BRINP3: variants seen among roughly 807,000 people sequenced by gnomAD.
BRINP3 encodes BMP/retinoic acid-inducible neural-specific protein 3.
A neutral mutation model predicts 71.0 loss-of-function variants in BRINP3; 19 were observed. The ratio of observed to expected loss-of-function variants is 0.27; its 90% CI spans 0.19 to 0.39. The LOEUF (loss-of-function observed/expected upper bound fraction) is 0.39, where lower values mean the gene tolerates loss of function less well. BRINP3 is among the 10% of genes least tolerant of loss of function. The probability of loss-of-function intolerance (pLI) is 1.00; values close to 1 mark genes in which losing one functional copy is unlikely to be tolerated. For synonymous variants in BRINP3, 380 were observed against 337.7 expected, an observed-to-expected ratio of 1.13 and a Z score of -1.37; for missense variants, 959 against 940.8, an observed-to-expected ratio of 1.02 and a Z score of -0.25.
chr1:190,455,451 A>ATGTATATGTG (rs1037672107), intron 1 of BRINP3, among the ~76,000 whole-genome samples: 1 of 152,122 alleles, frequency 6.6e-6, no homozygotes, highest in East Asian at 1.9e-4. Flanking sequence ...AAATATATGT[A>ATGTATATGTG]TGTATATGTG....
chr1:190,365,380 T>C (rs1669416304), intron 2 of BRINP3, among the ~76,000 whole-genome samples: 1 of 151,784 alleles, frequency 6.6e-6, no homozygotes, highest in Non-Finnish European at 1.5e-5. Context: ...TTTAATCTGC[T>C]GGGTGCTAAA....
At chr1:190,336,751 T>C (rs1011513617) in intron 2 of BRINP3, among the ~76,000 whole-genome samples, 1 of 151,876 alleles carries the variant, frequency 6.6e-6, no homozygotes, top group Non-Finnish European at 1.5e-5. Context: ...TTCCACTAAA[T>C]TGAATAATAA....
chr1:190,140,536 A>T (rs1351668573), intron 7 of BRINP3, among the ~76,000 whole-genome samples: 1 of 152,206 alleles, frequency 6.6e-6, no homozygotes, highest in Non-Finnish European at 1.5e-5. Context: ...CAAGCATAAA[A>T]GTAAACTTTT....
intron 2 of BRINP3, among the ~76,000 whole-genome samples, chr1:190,383,042 A>G (rs1049717508): frequency 3.4e-4 from 51 of 152,176 alleles, no homozygotes; most frequent in African/African-American, 1.2e-3. Context: ...TGGAACTGGT[A>G]TATGAAAGGA....
At chr1:190,409,980 TTCTC>T (rs1419362127) in intron 2 of BRINP3, among the ~76,000 whole-genome samples, 1 of 152,076 alleles carries the variant, frequency 6.6e-6, no homozygotes, top group East Asian at 1.9e-4. Flanking sequence ...AAGAATTGGT[TTCTC>T]TCTCTTTTTT....
chr1:190,339,654 T>A (rs780759884), intron 2 of BRINP3, among the ~76,000 whole-genome samples: 2 of 151,962 alleles, frequency 1.3e-5, no homozygotes, highest in Non-Finnish European at 2.9e-5. Context: ...GCTCCTCTAG[T>A]ATTGCCCACC....
chr1:190,199,771 G>GAAAAAAAAAAAAAAAAAAAAAAAAAA (rs35752025), intron 6 of BRINP3, among the ~76,000 whole-genome samples: 2 of 123,528 alleles, frequency 1.6e-5, no homozygotes, highest in Admixed American at 8.5e-5. Flanking sequence ...CAAGGCATAG[G>GAAAAAAAAAAAAAAAAAAAAAAAAAA]AAAAAAAAAA....
chr1:190,476,797 A>G (rs944999073), intron 1 of BRINP3, among the ~76,000 whole-genome samples: 4 of 152,180 alleles, frequency 2.6e-5, no homozygotes, highest in African/African-American at 9.7e-5. Flanking sequence ...GACAAATACT[A>G]TGCCTGAATT....
chr1:190,225,820 T>C (rs184368507), intron 6 of BRINP3, among the ~76,000 whole-genome samples: 11 of 152,060 alleles, frequency 7.2e-5, no homozygotes, highest in African/African-American at 2.6e-4. Flanking sequence ...TTTCTTGTAC[T>C]GAGAAAAGCA....
At chr1:190,440,193 T>C (rs1674723044) in intron 2 of BRINP3, among the ~76,000 whole-genome samples, 1 of 151,976 alleles carries the variant, frequency 6.6e-6, no homozygotes, top group African/African-American at 2.4e-5. Context: ...TGGAAATTTC[T>C]TTACCATCTG....
intron 7 of BRINP3, among the ~76,000 whole-genome samples, chr1:190,142,536 C>T (rs1388425051): frequency 2.0e-5 from 3 of 151,998 alleles, no homozygotes; most frequent in African/African-American, 7.2e-5. Context: ...TCTGTTTTTA[C>T]AGAAAATGCC....
intron 2 of BRINP3, among the ~76,000 whole-genome samples, chr1:190,360,171 T>C (rs1669044076): frequency 6.6e-6 from 1 of 152,194 alleles, no homozygotes. Flanking sequence ...AGATACAAAG[T>C]AATCGATGGT....
chr1:190,261,487 A>G (rs1269977766), intron 4 of BRINP3, among the ~76,000 whole-genome samples: 1 of 152,130 alleles, frequency 6.6e-6, no homozygotes, highest in Non-Finnish European at 1.5e-5. Context: ...GACAAAACAA[A>G]CATATTGCTT....
At chr1:190,410,958 G>T (rs1242826192) in intron 2 of BRINP3, among the ~76,000 whole-genome samples, 6 of 152,018 alleles carry the variant, frequency 3.9e-5, no homozygotes, top group Non-Finnish European at 7.4e-5. Context: ...AAACTTGAAA[G>T]CTCATTTTAA....
chr1:190,141,555 CTTTTTTTTTTTTT>C (rs35090212), intron 7 of BRINP3, among the ~76,000 whole-genome samples: 1 of 82,376 alleles, frequency 1.2e-5, no homozygotes, highest in Non-Finnish European at 2.1e-5. Flanking sequence ...TCTTTCTTTC[CTTTTTTTTTTTTT>C]TTTTTTTTTT....
At chr1:190,463,744 A>G (rs1676551339) in intron 1 of BRINP3, among the ~76,000 whole-genome samples, 1 of 151,918 alleles carries the variant, frequency 6.6e-6, no homozygotes, top group African/African-American at 2.4e-5. Flanking sequence ...CACTTTAGTG[A>G]AATACTGATT....
chr1:190,371,888 G>A (rs1421139163), intron 2 of BRINP3, among the ~76,000 whole-genome samples: 1 of 152,068 alleles, frequency 6.6e-6, no homozygotes, highest in Non-Finnish European at 1.5e-5. Context: ...TGGAATATGA[G>A]GTCTGTACAA....
intron 2 of BRINP3, among the ~76,000 whole-genome samples, chr1:190,438,049 T>TG: frequency 6.6e-6 from 1 of 151,318 alleles, no homozygotes; most frequent in Non-Finnish European, 1.5e-5. Flanking sequence ...AAATCAAAAC[T>TG]GTAAAATGAA....
chr1:190,410,723 A>C (rs1307109584), intron 2 of BRINP3, among the ~76,000 whole-genome samples: 1 of 152,120 alleles, frequency 6.6e-6, no homozygotes, highest in Non-Finnish European at 1.5e-5. Context: ...GTTTCCAGAA[A>C]GGGTATTTAT....
Sources: gnomAD v4.1 joint callset for allele counts (sites outside exome capture counted in the v4.1 genomes callset) on GRCh38, gnomAD v4.1.1 for gene constraint, MANE v1.5 for transcripts, NCBI Gene and HGNC (gene_info 2026-07-23, HGNC 2026-07-21) for gene names.